FLRT2: variants seen among roughly 807,000 people sequenced by gnomAD.
FLRT2 encodes leucine-rich repeat transmembrane protein FLRT2.
In FLRT2, 15 loss-of-function variants were observed where a neutral mutation model predicts 40.0. That is an observed-to-expected ratio of 0.38 (90% CI 0.25 to 0.58). The LOEUF is 0.58. Among genes scored for constraint, FLRT2 ranks in the 20% least tolerant of loss-of-function variants. FLRT2 has a pLI of 0.71. For missense variants in FLRT2, 726 were observed against 840.0 expected (o/e 0.86, Z 1.68); for synonymous variants, 380 against 336.8 (o/e 1.13, Z -1.41).
chr14:85,585,243 C>T (rs1369175755), intron 1 of FLRT2, among the ~76,000 whole-genome samples: 1 of 152,138 alleles, frequency 6.6e-6, no homozygotes, highest in African/African-American at 2.4e-5. Context: ...TCAGGTTTGA[C>T]GGAAGTGAGG....
At chr14:85,599,219 CT>C (rs67876387) in intron 1 of FLRT2, among the ~76,000 whole-genome samples, 80 of 129,312 alleles carry the variant, frequency 6.2e-4, no homozygotes, top group South Asian at 4.4e-3. Flanking sequence ...TGCGCCTGGC[CT>C]TTTTTTTTTT....
intron 1 of FLRT2, among the ~76,000 whole-genome samples, chr14:85,588,457 GT>G (rs11324915): frequency 0.52 from 75,947 of 146,748 alleles, 19,902 homozygotes; most frequent in East Asian, 0.71. Context: ...CACTAGCTCA[GT>G]TTTTTTTTTT....
chr14:85,550,879 G>T (rs11628988), intron 1 of FLRT2, among the ~76,000 whole-genome samples: 29,558 of 151,972 alleles, frequency 0.19, 3,068 homozygotes, highest in Admixed American at 0.24. Context: ...CTTTATTAGC[G>T]ACCCTTAAAA....
intron 1 of FLRT2, among the ~76,000 whole-genome samples, chr14:85,605,538 A>C (rs1031359686): frequency 1.3e-5 from 2 of 152,200 alleles, no homozygotes; most frequent in East Asian, 1.9e-4. Context: ...TGGGAGGCCG[A>C]GGCGGACAGA....
intron 1 of FLRT2, among the ~76,000 whole-genome samples, chr14:85,568,999 G>A (rs8023166): frequency 0.23 from 35,140 of 151,892 alleles, 5,124 homozygotes; most frequent in African/African-American, 0.41. Context: ...AAATCCCAAC[G>A]GTGGTACTGA....
At chr14:85,607,314 C>T in intron 1 of FLRT2, among the ~76,000 whole-genome samples, 1 of 152,112 alleles carries the variant, frequency 6.6e-6, no homozygotes, top group East Asian at 1.9e-4. Flanking sequence ...GCCAATGGTG[C>T]AGAGGGTACA....
intron 1 of FLRT2, among the ~76,000 whole-genome samples, chr14:85,568,265 G>C (rs561689138): frequency 2.6e-5 from 4 of 152,166 alleles, no homozygotes; most frequent in African/African-American, 9.6e-5. Flanking sequence ...AGAGCGCATA[G>C]TTTTGGCTCC....
chr14:85,564,661 G>C (rs993134545), intron 1 of FLRT2, among the ~76,000 whole-genome samples: 4 of 152,212 alleles, frequency 2.6e-5, no homozygotes, highest in African/African-American at 7.2e-5. Flanking sequence ...ACCGTTTTCT[G>C]TGTCTTTTGA....
At chr14:85,590,254 C>G (rs1260850975) in intron 1 of FLRT2, among the ~76,000 whole-genome samples, 1 of 152,062 alleles carries the variant, frequency 6.6e-6, no homozygotes, top group Non-Finnish European at 1.5e-5. Context: ...TGAGGCAAAA[C>G]TGCCCCCTTT....
intron 1 of FLRT2, among the ~76,000 whole-genome samples, chr14:85,574,728 A>G (rs1003682666): frequency 2.0e-5 from 3 of 152,118 alleles, no homozygotes; most frequent in East Asian, 1.9e-4. Context: ...ATTTGTTACA[A>G]TCTTTCTCAT....
At chr14:85,575,405 G>A (rs540236011) in intron 1 of FLRT2, among the ~76,000 whole-genome samples, 6 of 151,942 alleles carry the variant, frequency 3.9e-5, no homozygotes, top group South Asian at 2.1e-4. Context: ...TATTGTTGTC[G>A]AAGGAATTAA....
intron 1 of FLRT2, among the ~76,000 whole-genome samples, chr14:85,615,537 C>T (rs185251924): frequency 6.6e-6 from 1 of 152,154 alleles, no homozygotes; most frequent in East Asian, 1.9e-4. Context: ...CTCTTTATCT[C>T]AGTAAAGAGA....
chr14:85,553,784 T>A (rs969280137), intron 1 of FLRT2, among the ~76,000 whole-genome samples: 1 of 152,208 alleles, frequency 6.6e-6, no homozygotes, highest in Non-Finnish European at 1.5e-5. Context: ...GTTTTTAGTT[T>A]TCATTCTGCA....
At position 85,651,956 on chromosome 14, in the gene FLRT2, G is replaced by T. The variant is rs1894443109; in HGVS notation, c.*28459G>T. 6.6e-6 allele frequency: 1 copy of T among 151,900 alleles called. No individual in the cohort carries two copies. Among genetic ancestry groups the T allele is most frequent in the South Asian group, 2.1e-4 (1 of 4,814 alleles). 9.4% of individuals were successfully genotyped at this position (151,900 alleles called of 1,614,324 possible). The stretch of plus-strand genomic sequence containing the variant: ...GCCTATTAAATATGCTTTCCCACTA[G>T]GGCTGGGGCTAATGGAAAATACATC... On this transcript the variant is annotated 3_prime_UTR_variant, in exon 2 of 2. Coordinates refer to ENST00000330753, the MANE Select transcript of FLRT2 (RefSeq NM_013231.6).
intron 1 of FLRT2, among the ~76,000 whole-genome samples, chr14:85,573,284 A>G (rs1030347101): frequency 1.3e-5 from 2 of 151,926 alleles, no homozygotes; most frequent in Non-Finnish European, 2.9e-5. Flanking sequence ...CACACATCAC[A>G]CATATCACAT....
chr14:85,536,068 A>G (rs1888644320), intron 1 of FLRT2, among the ~76,000 whole-genome samples: 1 of 151,930 alleles, frequency 6.6e-6, no homozygotes, highest in Admixed American at 6.6e-5. Context: ...GGAGTCCCCA[A>G]AGCAGTCCTG....
At chr14:85,587,936 T>A (rs903981015) in intron 1 of FLRT2, among the ~76,000 whole-genome samples, 6 of 143,140 alleles carry the variant, frequency 4.2e-5, no homozygotes. Context: ...TTCTTTTTTG[T>A]TTGTTTTTTT....
chr14:85,595,520 TCA>T (rs148177699), intron 1 of FLRT2, among the ~76,000 whole-genome samples: 63,293 of 151,350 alleles, frequency 0.42, 13,654 homozygotes, highest in East Asian at 0.77. Context: ...TGCATACATT[TCA>T]AGTATATATA....
rs1197042427 is a variant in FLRT2 at position 85,638,498 on chromosome 14, C to A, written c.*15001C>A. The A allele has an allele frequency of 5.3e-5, 8 of 152,286 alleles. No individual in the cohort carries two copies. The highest frequency in any genetic ancestry group is 1.7e-4 in the African/African-American group (7 of 41,436). The allele number at this position is 152,286 out of a possible 1,614,324, so 9.4% of individuals were successfully genotyped here. On this transcript the variant is annotated 3_prime_UTR_variant, in exon 2 of 2. Coordinates refer to ENST00000330753, the MANE Select transcript of FLRT2 (RefSeq NM_013231.6). ...CTCTACCAGTCCTGGTTCTTCATAGCCTTCCACAGGTGTCAGCTGCAAAAA... is the reference window on the plus strand; with the variant it reads ...CTCTACCAGTCCTGGTTCTTCATAGACTTCCACAGGTGTCAGCTGCAAAAA...
Sources: allele counts gnomAD v4.1 joint callset (sites outside exome capture counted in the v4.1 genomes callset), GRCh38; gene constraint gnomAD v4.1.1; transcripts MANE v1.5; gene names NCBI Gene and HGNC (gene_info 2026-07-23, HGNC 2026-07-21).